The following ZMYM2 variants were observed in gnomAD, a reference collection of about 807,000 sequenced individuals.
ZMYM2 encodes zinc finger MYM-type containing 2.
ZMYM2 carries 56 observed loss-of-function variants against 162.8 expected under a neutral mutation model. That is an observed-to-expected ratio of 0.34 (90% CI 0.28 to 0.43). The LOEUF is 0.43. Among genes scored for constraint, ZMYM2 ranks in the 20% least tolerant of loss-of-function variants. The pLI is 1.00. For synonymous variants in ZMYM2, 510 were observed against 541.6 expected (o/e 0.94, Z 0.81); for missense variants, 1,275 against 1,621.8 (o/e 0.79, Z 3.67).
intron 2 of ZMYM2, among the ~76,000 whole-genome samples, chr13:19,989,146 A>G (rs1949407632): frequency 6.6e-6 from 1 of 152,198 alleles, no homozygotes; most frequent in South Asian, 2.1e-4. Context: ...TACTTCAGGG[A>G]AAATATCGTA....
chr13:20,066,700 A>G, intron 19 of ZMYM2, 151 bp from the exon 20 acceptor site: 1 of 646,286 alleles, frequency 1.5e-6, no homozygotes, highest in Non-Finnish European at 2.3e-6. Flanking sequence ...GCACACAGAA[A>G]AACATACGTG....
At chr13:20,049,143 T>TA (rs1395474252) in intron 12 of ZMYM2, among the ~76,000 whole-genome samples, 3 of 150,582 alleles carry the variant, frequency 2.0e-5, no homozygotes, top group Non-Finnish European at 3.0e-5. Context: ...ATTATGGCAT[T>TA]AAAGTTGGAA....
At chr13:19,896,932 G>A in the ZMYM2 span, among the ~76,000 whole-genome samples, 1 of 151,290 alleles carries the variant, frequency 6.6e-6, no homozygotes, top group Non-Finnish European at 1.5e-5. Context: ...AATTAGCTGG[G>A]CGTGGTGGCA....
At chr13:20,053,278 G>A (rs1009053466) in intron 14 of ZMYM2, among the ~76,000 whole-genome samples, 1 of 152,168 alleles carries the variant, frequency 6.6e-6, no homozygotes, top group African/African-American at 2.4e-5. Context: ...ACAGATTAGT[G>A]GTTCCTAGCT....
the ZMYM2 span, among the ~76,000 whole-genome samples, chr13:19,896,437 C>T: frequency 2.6e-5 from 4 of 151,066 alleles, no homozygotes; most frequent in Non-Finnish European, 4.4e-5. Context: ...AGCCACTGCA[C>T]CCAGCCTCTA....
chr13:20,080,256 A>G (rs1315598938), intron 21 of ZMYM2, among the ~76,000 whole-genome samples: 1 of 152,202 alleles, frequency 6.6e-6, no homozygotes, highest in Non-Finnish European at 1.5e-5. Context: ...GACATTAATT[A>G]GGAGTTTTTG....
At chr13:20,077,503 A>T (rs1406337724) in intron 21 of ZMYM2, among the ~76,000 whole-genome samples, 1 of 150,686 alleles carries the variant, frequency 6.6e-6, no homozygotes, top group East Asian at 1.9e-4. Context: ...CAGACTTGGT[A>T]ACACAGAATT....
intron 2 of ZMYM2, among the ~76,000 whole-genome samples, chr13:19,986,198 AAAAC>A (rs199949326): frequency 0.017 from 2,610 of 151,932 alleles, 33 homozygotes; most frequent in Middle Eastern, 0.027. Flanking sequence ...CTCTCTCAAA[AAAAC>A]AAACAAACAA....
chr13:20,047,511 G>A (rs1954932623), intron 12 of ZMYM2, among the ~76,000 whole-genome samples: 1 of 152,050 alleles, frequency 6.6e-6, no homozygotes, highest in African/African-American at 2.4e-5. Flanking sequence ...AAAATCAACA[G>A]CTAGCCAATC....
At chr13:19,866,281 C>T in the ZMYM2 span, among the ~76,000 whole-genome samples, 1 of 151,994 alleles carries the variant, frequency 6.6e-6, no homozygotes, top group Non-Finnish European at 1.5e-5. Flanking sequence ...ACACATATGA[C>T]ACTTAGAATT....
chr13:19,946,773 A>G, the ZMYM2 span, among the ~76,000 whole-genome samples: 1 of 152,348 alleles, frequency 6.6e-6, no homozygotes, highest in East Asian at 1.9e-4. Flanking sequence ...TAGTATGTTT[A>G]TAATAATGAC....
intron 21 of ZMYM2, among the ~76,000 whole-genome samples, chr13:20,076,472 T>G (rs1336104836): frequency 2.0e-5 from 3 of 150,658 alleles, no homozygotes; most frequent in Non-Finnish European, 2.9e-5. Context: ...CCAAAATGTT[T>G]GAGGATCTTT....
chr13:20,023,816 T>A (rs561150377), intron 7 of ZMYM2, among the ~76,000 whole-genome samples: 2 of 152,326 alleles, frequency 1.3e-5, no homozygotes, highest in East Asian at 3.9e-4. Context: ...ATATTTCCCT[T>A]TTGGCTAATG....
chr13:20,082,200 A>C, intron 22 of ZMYM2, 70 bp downstream of exon 22: 1 of 1,122,354 alleles, frequency 8.9e-7, no homozygotes, highest in South Asian at 1.6e-5. Flanking sequence ...AGTATGTTTG[A>C]AAATATTATA....
At chr13:19,979,792 T>G (rs1209883544) in intron 2 of ZMYM2, among the ~76,000 whole-genome samples, 1 of 152,204 alleles carries the variant, frequency 6.6e-6, no homozygotes, top group Non-Finnish European at 1.5e-5. Context: ...TACTATTCAC[T>G]TATGAATGAT....
chr13:20,041,653 T>G (rs1285751053), intron 12 of ZMYM2, among the ~76,000 whole-genome samples: 1 of 152,198 alleles, frequency 6.6e-6, no homozygotes, highest in African/African-American at 2.4e-5. Flanking sequence ...CACTTGTCTG[T>G]GTACTTAAGT....
chr13:19,986,931 C>T lies in ZMYM2; in HGVS notation c.-10-6132C>T, dbSNP rs957148409. On this transcript the variant is annotated intron_variant, in intron 2 of 24. Coordinates refer to ENST00000610343, the MANE Select transcript of ZMYM2 (RefSeq NM_197968.4). ...CAGTCTGGCCAACATGGTGAAACCC[C>T]GTCTCTACTAAAAATACAAAAAAAT... Among the ~76,000 whole-genome samples, 10 of 151,484 alleles carry T rather than the reference C, an allele frequency of 6.6e-5. No homozygotes were observed. The South Asian group carries it at 1.3e-3, about 19-fold the overall frequency.
the ZMYM2 span, among the ~76,000 whole-genome samples, chr13:19,937,202 G>A: frequency 6.6e-6 from 1 of 151,366 alleles, no homozygotes; most frequent in Non-Finnish European, 1.5e-5. Flanking sequence ...AGGCTGGAGT[G>A]CAATGGCACT....
the ZMYM2 span, among the ~76,000 whole-genome samples, chr13:19,940,498 A>G: frequency 6.6e-6 from 1 of 152,348 alleles, no homozygotes; most frequent in East Asian, 1.9e-4. Context: ...TCCGTTCTCT[A>G]CTTTCAGAGA....
Sources: gnomAD v4.1 joint callset for allele counts (sites outside exome capture counted in the v4.1 genomes callset) on GRCh38, gnomAD v4.1.1 for gene constraint, MANE v1.5 for transcripts, NCBI Gene and HGNC (gene_info 2026-07-23, HGNC 2026-07-21) for gene names.